The following STC1 variants were observed in gnomAD, a reference collection of about 807,000 sequenced individuals.
The protein encoded by STC1 is stanniocalcin 1, also known as stanniocalcin-1.
A neutral mutation model predicts 22.6 loss-of-function variants in STC1; 7 were observed. The ratio of observed to expected loss-of-function variants is 0.31; its 90% CI spans 0.18 to 0.58. STC1 has a LOEUF of 0.58. STC1 is among the 20% of genes least tolerant of loss of function. The probability of loss-of-function intolerance (pLI) is 0.89; values close to 1 mark genes in which losing one functional copy is unlikely to be tolerated. For missense variants in STC1, 224 were observed against 311.0 expected, an observed-to-expected ratio of 0.72 and a Z score of 2.10; for synonymous variants, 113 against 120.7, an observed-to-expected ratio of 0.94 and a Z score of 0.42.
chr8:23,845,502 T>G (rs983311945), intron 3 of STC1, among the ~76,000 whole-genome samples: 2 of 152,142 alleles, frequency 1.3e-5, no homozygotes, highest in African/African-American at 4.8e-5. Flanking sequence ...CATGTGTAAT[T>G]ATTTTGATGC....
intron 3 of STC1, 51 bp downstream of exon 3, chr8:23,851,269 A>G (rs1315563762): frequency 1.3e-6 from 2 of 1,594,470 alleles, no homozygotes; most frequent in Non-Finnish European, 1.7e-6. Context: ...TCTGCCAGCC[A>G]GCCACCTGCT....
chr8:23,844,653 A>T lies in STC1; in HGVS notation c.*117T>A. On this transcript the variant is annotated 3_prime_UTR_variant, in exon 4 of 4. Transcript: ENST00000290271. ...TTTCATGCAATTTTCTTTAAGGGGG[A>T]TAGAAAATAGGAACTACTTTAAAAA... The T allele has an allele frequency of 8.3e-7, 1 of 1,206,496 alleles. No homozygotes were observed. The allele number at this position is 1,206,496 out of a possible 1,614,324, so 74.7% of individuals were successfully genotyped here.
intron 1 of STC1, chr8:23,854,092 A>G: frequency 8.5e-7 from 1 of 1,180,164 alleles, no homozygotes; most frequent in Non-Finnish European, 1.1e-6. Flanking sequence ...GAAGCATGCC[A>G]ACATTCAAGC....
intron 1 of STC1, 181 bp downstream of exon 1, chr8:23,854,225 C>A: frequency 2.0e-6 from 2 of 1,012,850 alleles, no homozygotes; most frequent in South Asian, 1.7e-5. Flanking sequence ...TAGTTGCATG[C>A]AATTTATTAA....
chr8:23,844,915 T>C lies in STC1; in HGVS notation c.599A>G (p.Asp200Gly), dbSNP rs756456558. 1.7e-5 allele frequency: 28 copies of C among 1,614,000 alleles called. No individual in the cohort carries two copies. Among genetic ancestry groups the C allele is most frequent in the Non-Finnish European group, 2.1e-5 (25 of 1,180,034 alleles). The change falls in exon 4 of 4, where the codon GAC (aspartate) becomes GGC (glycine). Residue 200 changes from aspartate to glycine, a missense_variant. Coordinates refer to ENST00000290271, the MANE Select transcript of STC1 (RefSeq NM_003155.3). ...TCGTGGGTGTGTTTGGGCACAGTGG[T>C]CTGTCTGCAGGATGTGGAAGAGGCT... ...MASLFHILQT[D>G]HCAQTHPRAD...
chr8:23,851,207 A>C (rs933785465), intron 3 of STC1, 113 bp downstream of exon 3: 2 of 1,023,508 alleles, frequency 2.0e-6, no homozygotes, highest in African/African-American at 3.2e-5. Flanking sequence ...GAAGACTGCA[A>C]GCTAAAATAA....
chr8:23,844,464 T>G lies in STC1; in HGVS notation c.*306A>C. The G allele has an allele frequency of 1.0e-5, 4 of 381,178 alleles. No individual in the cohort carries two copies. The highest frequency in any genetic ancestry group is 9.7e-6 in the Non-Finnish European group (2 of 206,746). 23.6% of individuals were successfully genotyped at this position (381,178 alleles called of 1,614,324 possible). A position where few individuals can be genotyped will look rare whatever the true frequency, so the allele number is the denominator to read the frequency against. ...CAATGGCTGGAGAGTTACATGAATGTTTTGTGTTTGGGGGTGGTCTCAGGG... is the reference window on the plus strand; with the variant it reads ...CAATGGCTGGAGAGTTACATGAATGGTTTGTGTTTGGGGGTGGTCTCAGGG... On this transcript the variant is annotated 3_prime_UTR_variant, in exon 4 of 4. Transcript: ENST00000290271.
chr8:23,851,179 T>G, intron 3 of STC1, 141 bp downstream of exon 3: 1 of 807,692 alleles, frequency 1.2e-6, no homozygotes. Flanking sequence ...AAACATATTT[T>G]TTTCCTGCAA....
At chr8:23,847,540 G>A (rs1802587259) in intron 3 of STC1, among the ~76,000 whole-genome samples, 1 of 152,208 alleles carries the variant, frequency 6.6e-6, no homozygotes, top group African/African-American at 2.4e-5. Context: ...GTCTCCATTA[G>A]TAGTTCTTCA....
intron 3 of STC1, among the ~76,000 whole-genome samples, 193 bp from the exon 4 acceptor site, chr8:23,845,233 C>G (rs1264789231): frequency 6.6e-6 from 1 of 152,066 alleles, no homozygotes; most frequent in Non-Finnish European, 1.5e-5. Context: ...GCATCTGCTC[C>G]TAGGGTTTAC....
At chr8:23,852,926 C>T (rs1358094266) in intron 1 of STC1, among the ~76,000 whole-genome samples, 4 of 152,132 alleles carry the variant, frequency 2.6e-5, no homozygotes, top group Non-Finnish European at 5.9e-5. Context: ...TTTTAACTTA[C>T]CGTCATATTG....
intron 3 of STC1, among the ~76,000 whole-genome samples, chr8:23,849,958 T>C (rs554248740): frequency 5.6e-5 from 8 of 143,390 alleles, no homozygotes; most frequent in African/African-American, 2.1e-4. Flanking sequence ...CCAAGAGTTA[T>C]ATAGAGACAG....
chr8:23,853,205 T>G (rs2117745878), intron 1 of STC1, among the ~76,000 whole-genome samples: 1 of 152,296 alleles, frequency 6.6e-6, no homozygotes, highest in East Asian at 1.9e-4. Flanking sequence ...AAGGGGGGTG[T>G]TCTGGCAGGC....
Position 23,854,758 on chromosome 8 carries a change from C to T in STC1, c.-235G>A. On this transcript the variant is annotated 5_prime_UTR_variant, in exon 1 of 4. Coordinates refer to ENST00000290271, the MANE Select transcript of STC1 (RefSeq NM_003155.3). ...GCTGCTGCTGCCACCGCCGCTGCTGCTGCTGCTGCTGCAGTCGCTGCTTCT... is the reference window on the plus strand; with the variant it reads ...GCTGCTGCTGCCACCGCCGCTGCTGTTGCTGCTGCTGCAGTCGCTGCTTCT... The T allele has an allele frequency of 1.6e-6, 1 of 624,970 alleles. No individual in the cohort carries two copies. Among genetic ancestry groups the T allele is most frequent in the Non-Finnish European group, 3.0e-6 (1 of 336,138 alleles). The allele number at this position is 624,970 out of a possible 1,614,324, so 38.7% of individuals were successfully genotyped here.
At chr8:23,849,640 C>G (rs1317792639) in intron 3 of STC1, among the ~76,000 whole-genome samples, 1 of 152,142 alleles carries the variant, frequency 6.6e-6, no homozygotes, top group Non-Finnish European at 1.5e-5. Context: ...ATGGAAGATG[C>G]TACTTCAGAT....
At chr8:23,850,832 G>T (rs1423265473) in intron 3 of STC1, among the ~76,000 whole-genome samples, 1 of 150,346 alleles carries the variant, frequency 6.7e-6, no homozygotes, top group Non-Finnish European at 1.5e-5. Flanking sequence ...GGGCTACCCA[G>T]TGAAATCTCT....
At position 23,844,652 on chromosome 8, in the gene STC1, G is replaced by A. The variant is rs1802549418; in HGVS notation, c.*118C>T. On this transcript the variant is annotated 3_prime_UTR_variant, in exon 4 of 4. Coordinates refer to ENST00000290271, the MANE Select transcript of STC1 (RefSeq NM_003155.3). ...GTTTCATGCAATTTTCTTTAAGGGG[G>A]ATAGAAAATAGGAACTACTTTAAAA... 1.7e-6 allele frequency: 2 copies of A among 1,181,836 alleles called. No individual in the cohort carries two copies. Among genetic ancestry groups the A allele is most frequent in the Non-Finnish European group, 1.2e-6 (1 of 855,414 alleles). The allele number at this position is 1,181,836 out of a possible 1,614,324, so 73.2% of individuals were successfully genotyped here. A position where few individuals can be genotyped will look rare whatever the true frequency, so the allele number is the denominator to read the frequency against.
At chr8:23,854,125 C>G (rs1339568084) in intron 1 of STC1, 1 of 1,252,978 alleles carries the variant, frequency 8.0e-7, no homozygotes, top group Non-Finnish European at 1.0e-6. Flanking sequence ...CTCACCCCTC[C>G]CCCTCCAAGA....
At chr8:23,847,919 G>A (rs890635764) in intron 3 of STC1, among the ~76,000 whole-genome samples, 35 of 152,292 alleles carry the variant, frequency 2.3e-4, no homozygotes, top group African/African-American at 8.4e-4. Flanking sequence ...TTGGGTTGTG[G>A]CTATTTCCTG....
Sources: gnomAD v4.1 joint callset for allele counts (sites outside exome capture counted in the v4.1 genomes callset) on GRCh38, gnomAD v4.1.1 for gene constraint, MANE v1.5 for transcripts, NCBI Gene and HGNC (gene_info 2026-07-23, HGNC 2026-07-21) for gene names.